The following WDR70 variants were observed in gnomAD, a reference collection of about 807,000 sequenced individuals.
WDR70 encodes the protein WD repeat domain 70.
A neutral mutation model predicts 88.6 loss-of-function variants in WDR70; 53 were observed. The ratio of observed to expected loss-of-function variants is 0.60; its 90% CI spans 0.48 to 0.75. WDR70 has a LOEUF of 0.75. Among genes scored for constraint, WDR70 ranks in the 30% least tolerant of loss-of-function variants. The probability of loss-of-function intolerance (pLI) is 0.00; values close to 1 mark genes in which losing one functional copy is unlikely to be tolerated. For missense variants in WDR70, 610 were observed against 823.2 expected (o/e 0.74, Z 3.17); for synonymous variants, 280 against 270.0 (o/e 1.04, Z -0.36).
chr5:37,454,985 G>C (rs889598092), intron 7 of WDR70, among the ~76,000 whole-genome samples: 2 of 152,118 alleles, frequency 1.3e-5, no homozygotes, highest in Non-Finnish European at 2.9e-5. Flanking sequence ...TCTGATTGAT[G>C]ATTAAATGAA....
chr5:37,707,139 A>C (rs7708301), intron 13 of WDR70, among the ~76,000 whole-genome samples: 13,045 of 152,258 alleles, frequency 0.086, 1,783 homozygotes, highest in African/African-American at 0.29. Context: ...ATGATAATTT[A>C]TTGTGAAATG....
At chr5:37,431,568 CACATA>C (rs1303914560) in intron 5 of WDR70, among the ~76,000 whole-genome samples, 10 of 152,268 alleles carry the variant, frequency 6.6e-5, no homozygotes, top group East Asian at 1.9e-4. Flanking sequence ...GTGCTAAAAA[CACATA>C]ACATAAAGTT....
At chr5:37,715,382 T>C (rs1747626250) in intron 13 of WDR70, among the ~76,000 whole-genome samples, 1 of 146,252 alleles carries the variant, frequency 6.8e-6, no homozygotes, top group South Asian at 2.2e-4. Flanking sequence ...GTCTGGCCCA[T>C]GGTAGAATTT....
At chr5:37,506,075 T>A (rs879901203) in intron 8 of WDR70, 31 of 1,297,674 alleles carry the variant, frequency 2.4e-5, no homozygotes, top group Non-Finnish European at 3.5e-5. Context: ...GATCACCTCA[T>A]TCAAGATTTG....
intron 10 of WDR70, among the ~76,000 whole-genome samples, chr5:37,654,291 G>T (rs1404405220): frequency 6.6e-6 from 1 of 152,156 alleles, no homozygotes; most frequent in Non-Finnish European, 1.5e-5. Flanking sequence ...TAATTTGATT[G>T]CACTGTGGTT....
intron 9 of WDR70, among the ~76,000 whole-genome samples, chr5:37,590,976 A>G (rs7718552): frequency 3.9e-5 from 6 of 152,224 alleles, no homozygotes. Flanking sequence ...CTGAAATTAA[A>G]AAACAAAGAA....
chr5:37,519,757 G>A (rs552280710), intron 9 of WDR70, among the ~76,000 whole-genome samples: 1 of 152,324 alleles, frequency 6.6e-6, no homozygotes, highest in South Asian at 2.1e-4. Flanking sequence ...ATATCTTTTC[G>A]ATTTACTGAT....
chr5:37,551,897 G>A (rs1291597896), intron 9 of WDR70, among the ~76,000 whole-genome samples: 1 of 148,168 alleles, frequency 6.7e-6, no homozygotes, highest in African/African-American at 2.5e-5. Flanking sequence ...TCAGCCTCCC[G>A]AGTAGTTGGA....
At chr5:37,672,295 C>G (rs1283533444) in intron 10 of WDR70, among the ~76,000 whole-genome samples, 1 of 151,994 alleles carries the variant, frequency 6.6e-6, no homozygotes, top group African/African-American at 2.4e-5. Context: ...CTGACTGTCC[C>G]CCAGCCTGAC....
At chr5:37,607,931 G>C (rs1462563618) in intron 10 of WDR70, among the ~76,000 whole-genome samples, 1 of 151,924 alleles carries the variant, frequency 6.6e-6, no homozygotes, top group Non-Finnish European at 1.5e-5. Flanking sequence ...CTATTGCCTT[G>C]TTGGCATGAT....
At chr5:37,545,536 TTTTTG>T (rs1390727038) in intron 9 of WDR70, among the ~76,000 whole-genome samples, 1 of 150,144 alleles carries the variant, frequency 6.7e-6, no homozygotes, top group Non-Finnish European at 1.5e-5. Flanking sequence ...TTTGTTTTTG[TTTTTG>T]TTTTTTTTTT....
chr5:37,694,004 A>G (rs905714738), intron 10 of WDR70, among the ~76,000 whole-genome samples: 5 of 152,220 alleles, frequency 3.3e-5, no homozygotes, highest in Non-Finnish European at 7.3e-5. Flanking sequence ...AAACAAATTT[A>G]CAAGACAAAA....
At chr5:37,402,650 AT>A in intron 5 of WDR70, among the ~76,000 whole-genome samples, 2 of 152,234 alleles carry the variant, frequency 1.3e-5, no homozygotes, top group East Asian at 3.9e-4. Context: ...TGCTAGGAAC[AT>A]TCAAATTATT....
At chr5:37,672,481 C>T (rs969494387) in intron 10 of WDR70, among the ~76,000 whole-genome samples, 3 of 152,114 alleles carry the variant, frequency 2.0e-5, no homozygotes, top group Non-Finnish European at 2.9e-5. Context: ...TGGCTGGAGG[C>T]GAGATATGCT....
At chr5:37,508,936 C>T (rs915923320) in intron 8 of WDR70, among the ~76,000 whole-genome samples, 2 of 152,218 alleles carry the variant, frequency 1.3e-5, no homozygotes, top group East Asian at 3.9e-4. Flanking sequence ...TTTTTGAAAG[C>T]TTTTAACTAT....
intron 8 of WDR70, 61 bp from the exon 9 acceptor site, chr5:37,516,453 A>C (rs1740886152): frequency 1.0e-6 from 1 of 970,832 alleles, no homozygotes. Flanking sequence ...GTCAGTTTCT[A>C]GTCAGTTTAT....
intron 8 of WDR70, among the ~76,000 whole-genome samples, chr5:37,502,474 G>T (rs929323387): frequency 6.6e-6 from 1 of 152,032 alleles, no homozygotes; most frequent in African/African-American, 2.4e-5. Context: ...TGCCTAGTTT[G>T]TTGCTTGTTT....
chr5:37,549,663 C>G (rs1190633666), intron 9 of WDR70, among the ~76,000 whole-genome samples: 1 of 152,132 alleles, frequency 6.6e-6, no homozygotes, highest in Non-Finnish European at 1.5e-5. Flanking sequence ...CTAGGACTTC[C>G]AGCACTGTGT....
chr5:37,712,279 C>T (rs1192918822), intron 13 of WDR70, among the ~76,000 whole-genome samples: 1 of 152,190 alleles, frequency 6.6e-6, no homozygotes, highest in Admixed American at 6.5e-5. Flanking sequence ...GCGAGAGCCA[C>T]CGCACCCGGC....
Sources: allele counts gnomAD v4.1 joint callset (sites outside exome capture counted in the v4.1 genomes callset), GRCh38; gene constraint gnomAD v4.1.1; transcripts MANE v1.5; gene names NCBI Gene and HGNC (gene_info 2026-07-23, HGNC 2026-07-21).